The following LMBR1 variants were observed in gnomAD, a reference collection of about 807,000 sequenced individuals.
LMBR1 encodes limb region 1 protein homolog.
A neutral mutation model predicts 73.9 loss-of-function variants in LMBR1; 52 were observed. The observed-to-expected ratio is 0.70, with a 90% CI of 0.56 to 0.89. The LOEUF is 0.89. Among genes scored for constraint, LMBR1 ranks in the 40% least tolerant of loss-of-function variants. LMBR1 has a pLI of 0.00. For missense variants in LMBR1, 539 were observed against 579.8 expected (o/e 0.93, Z 0.72); for synonymous variants, 215 against 209.4 (o/e 1.03, Z -0.23).
chr7:156,762,475 GAAT>G (rs1387735450), intron 7 of LMBR1, among the ~76,000 whole-genome samples: 6 of 152,230 alleles, frequency 3.9e-5, no homozygotes, highest in African/African-American at 1.2e-4. Context: ...TCTAGCAGTT[GAAT>G]AATAATAAAT....
intron 1 of LMBR1, among the ~76,000 whole-genome samples, chr7:156,857,063 G>A (rs546669783): frequency 2.0e-5 from 3 of 151,722 alleles, no homozygotes; most frequent in African/African-American, 7.2e-5. Flanking sequence ...CTCATAAAAT[G>A]CTCAGCTAGA....
At chr7:156,722,762 T>C (rs1233159239) in intron 15 of LMBR1, among the ~76,000 whole-genome samples, 3 of 152,146 alleles carry the variant, frequency 2.0e-5, no homozygotes, top group Admixed American at 2.0e-4. Context: ...GGAATTTAAT[T>C]TGTTGGCCTT....
At chr7:156,715,373 T>C (rs1431958794) in intron 15 of LMBR1, among the ~76,000 whole-genome samples, 4 of 152,346 alleles carry the variant, frequency 2.6e-5, no homozygotes, top group African/African-American at 7.2e-5. Flanking sequence ...ATTTTCCTAT[T>C]CTGGACATTT....
intron 15 of LMBR1, among the ~76,000 whole-genome samples, chr7:156,721,173 A>C (rs1814481779): frequency 6.6e-6 from 1 of 152,124 alleles, no homozygotes; most frequent in South Asian, 2.1e-4. Flanking sequence ...TAAATAACTT[A>C]CAAATTATAG....
chr7:156,841,570 G>C (rs2098305), intron 1 of LMBR1, among the ~76,000 whole-genome samples: 1 of 151,978 alleles, frequency 6.6e-6, no homozygotes, highest in African/African-American at 2.4e-5. Context: ...CAAACCAAGA[G>C]ACTAGATGTC....
At chr7:156,673,847 C>T (rs1222657303), downstream of LMBR1, among the ~76,000 whole-genome samples, 1 of 151,676 alleles carries the variant, frequency 6.6e-6, no homozygotes, top group African/African-American at 2.4e-5. Context: ...CTCAAAGGCA[C>T]CTTCAGAAGT....
At chr7:156,674,738 GATA>G (rs2131732054), downstream of LMBR1, among the ~76,000 whole-genome samples, 1 of 152,274 alleles carries the variant, frequency 6.6e-6, no homozygotes, top group African/African-American at 2.4e-5. Flanking sequence ...ACGTTGAAGT[GATA>G]ATATTTTGGA....
At chr7:156,813,957 T>C (rs1417095465) in intron 4 of LMBR1, among the ~76,000 whole-genome samples, 1 of 152,182 alleles carries the variant, frequency 6.6e-6, no homozygotes, top group African/African-American at 2.4e-5. Context: ...TACATATTTA[T>C]TTCAATACTT....
Position 156,734,473 on chromosome 7 carries a change from T to C in LMBR1, c.758-216A>G, listed in dbSNP as rs566959742. Among the ~76,000 whole-genome samples the C allele has an allele frequency of 9.3e-4, 141 of 152,258 alleles. 1 individual carries two copies. The highest frequency in any genetic ancestry group is 2.0e-3 in the Admixed American group (31 of 15,278). On this transcript the variant is annotated intron_variant, in intron 9 of 16. Coordinates refer to ENST00000353442, the MANE Select transcript of LMBR1 (RefSeq NM_022458.4). ...TACACGTTTCCACAGAGTGATATAA[T>C]GGACTATGGAGAGTCAGAAGGGAGA...
intron 15 of LMBR1, among the ~76,000 whole-genome samples, chr7:156,700,417 T>A (rs1809401995): frequency 6.6e-6 from 1 of 151,702 alleles, no homozygotes; most frequent in Non-Finnish European, 1.5e-5. Flanking sequence ...GGGGGAGGGA[T>A]AGCATTAGGA....
intron 15 of LMBR1, 76 bp downstream of exon 15, chr7:156,724,036 A>G: frequency 2.0e-6 from 2 of 1,012,324 alleles, no homozygotes; most frequent in African/African-American, 3.2e-5. Context: ...CTTTATGAGT[A>G]AATGTTAAAT....
At chr7:156,721,194 C>T (rs1355321921) in intron 15 of LMBR1, among the ~76,000 whole-genome samples, 1 of 151,744 alleles carries the variant, frequency 6.6e-6, no homozygotes, top group Non-Finnish European at 1.5e-5. Flanking sequence ...AAAGAGCTTC[C>T]AAGATGAAAA....
chr7:156,699,493 G>C (rs1018427937), intron 15 of LMBR1, among the ~76,000 whole-genome samples: 1 of 151,620 alleles, frequency 6.6e-6, no homozygotes, highest in Non-Finnish European at 1.5e-5. Context: ...ACATAGGCAC[G>C]GGCAAGGAAT....
chr7:156,779,846 T>C (rs1585739133), intron 5 of LMBR1: 1 of 382,320 alleles, frequency 2.6e-6, no homozygotes, highest in East Asian at 7.4e-5. Context: ...TTGTTTTCAC[T>C]TAACAAAAAG....
chr7:156,709,771 A>C (rs1414517736), intron 15 of LMBR1, among the ~76,000 whole-genome samples: 1 of 152,114 alleles, frequency 6.6e-6, no homozygotes, highest in Non-Finnish European at 1.5e-5. Flanking sequence ...GAACCAGAAA[A>C]GTAATTCTGG....
chr7:156,775,011 C>A (rs1021055267), intron 5 of LMBR1, among the ~76,000 whole-genome samples: 4 of 152,148 alleles, frequency 2.6e-5, no homozygotes, highest in African/African-American at 9.7e-5. Flanking sequence ...CTGGGGCCTA[C>A]TTGAAGGTGG....
At chr7:156,803,302 C>G (rs1042736105) in intron 4 of LMBR1, among the ~76,000 whole-genome samples, 3 of 150,092 alleles carry the variant, frequency 2.0e-5, no homozygotes, top group Non-Finnish European at 4.4e-5. Flanking sequence ...AACAAATTTA[C>G]AGGAAAAAAA....
intron 1 of LMBR1, among the ~76,000 whole-genome samples, chr7:156,888,409 CA>C (rs57071729): frequency 0.42 from 39,093 of 92,034 alleles, 5,115 homozygotes; most frequent in East Asian, 0.56. Context: ...GACTCTGTCT[CA>C]AAAAAAAAAA....
intron 15 of LMBR1, among the ~76,000 whole-genome samples, chr7:156,713,276 T>C (rs1237733901): frequency 6.6e-6 from 1 of 152,108 alleles, no homozygotes; most frequent in Non-Finnish European, 1.5e-5. Flanking sequence ...GGAGGATTTT[T>C]AGGGCAGTGA....
Sources: allele counts gnomAD v4.1 joint callset (sites outside exome capture counted in the v4.1 genomes callset), GRCh38; gene constraint gnomAD v4.1.1; transcripts MANE v1.5; gene names NCBI Gene and HGNC (gene_info 2026-07-23, HGNC 2026-07-21).